Variants in KANK2 observed in about 807,000 individuals in gnomAD.
KANK2 encodes KN motif and ankyrin repeat domains 2.
Under a neutral mutation model 74.6 loss-of-function variants are expected in KANK2, and 41 were observed. That is an observed-to-expected ratio of 0.55 (90% CI 0.43 to 0.71). The LOEUF (loss-of-function observed/expected upper bound fraction) is 0.71. Ranked by LOEUF, KANK2 falls within the 30% of genes least tolerant of loss-of-function variation. The pLI, the probability that KANK2 is intolerant of heterozygous loss-of-function variation, is 0.00. For missense variants in KANK2, 1,148 were observed against 1,196.4 expected, an observed-to-expected ratio of 0.96 and a Z score of 0.60; for synonymous variants, 537 against 519.0, an observed-to-expected ratio of 1.03 and a Z score of -0.47.
Position 11,194,506 on chromosome 19 carries a change from G to T in KANK2, c.6C>A (p.Ala2=). 1 of 1,612,656 alleles carries T rather than the reference G, an allele frequency of 6.2e-7. No homozygotes were observed. ...AGGGAGCAGGCACGTGCAGGACCTG[G>T]GCCATCTTCTTTTCTACAGATGCTC... M[A]QVLHVPAPFP... The change falls in exon 3 of 13, where the codon GCC becomes GCA. Residue 2 remains alanine, a synonymous_variant. Transcript: ENST00000586659.
In KANK2 at chr19:11,193,350, C is replaced by A; in HGVS notation, c.730G>T (p.Gly244Cys). 1 of 1,612,856 alleles carries A rather than the reference C, an allele frequency of 6.2e-7. No individual in the cohort carries two copies. Among genetic ancestry groups the A allele is most frequent in the Non-Finnish European group, 8.5e-7 (1 of 1,179,976 alleles). The change falls in exon 4 of 13, where the codon GGT becomes TGT. Residue 244 changes from glycine to cysteine, a missense_variant. Coordinates refer to ENST00000586659, the MANE Select transcript of KANK2 (RefSeq NM_001136191.3). This position sits in a 1 kb window ranked among gnomAD's most constrained non-coding sequence, Gnocchi z 9.6. ...AGGTCCAGGCAGAGCTCGCTGCGAC[C>A]CCGGCCCGCTGTGGGGTGGCCCAGG... ...KFLGHPTAGR[G>C]RSELCLDLPD...
rs1175639326 is a variant in KANK2, at chr19:11,174,463, C to T, written c.2068+10G>A. On this transcript the variant is annotated intron_variant, in intron 9 of 12. Coordinates refer to ENST00000586659, the MANE Select transcript of KANK2 (RefSeq NM_001136191.3). ...GTTTAGAGCCGCCTCGTCCTCCCCG[C>T]TGGGCTCACCGCTGTCGAGCAGCTG... 1 of 1,597,272 alleles carries T rather than the reference C, an allele frequency of 6.3e-7. No individual in the cohort carries two copies. The highest frequency in any genetic ancestry group is 1.7e-5 in the Admixed American group (1 of 57,434).
intron 4 of KANK2, among the ~76,000 whole-genome samples, chr19:11,184,374 T>TCAAAAA (rs59342063): frequency 0.27 from 40,331 of 148,230 alleles, 7,348 homozygotes; most frequent in South Asian, 0.44. Context: ...AAACTCTGTC[T>TCAAAAA]CAAAAACAAA....
rs1444158488 is a variant in KANK2, at chr19:11,178,434, T to G, written c.1431A>C (p.Ala477=). Residue 477 remains alanine (A), a synonymous_variant, in exon 6 of 13, where the codon GCA becomes GCC. Transcript: ENST00000586659. The part of the protein sequence containing the change: ...EEAGGTGGPP[A]GVRSIMKRKE... The stretch of plus-strand genomic sequence containing the variant: ...TCCGTTTCATGATAGATCGCACGCC[T>G]GCCGGGGGCCCGCCTGGAGGGGAGG... 1.3e-6 allele frequency: 2 copies of G among 1,596,558 alleles called. No homozygotes were observed. The highest frequency in any genetic ancestry group is 1.4e-5 in the African/African-American group (1 of 73,566).
intron 1 of KANK2, chr19:11,197,173 G>C (rs146434115): frequency 2.6e-4 from 39 of 152,872 alleles, no homozygotes; most frequent in African/African-American, 9.4e-4. Context: ...ACAGAGACAG[G>C]GGAGAGCGGG....
intron 6 of KANK2, among the ~76,000 whole-genome samples, chr19:11,177,276 C>T (rs1259767859): frequency 2.6e-5 from 4 of 151,802 alleles, no homozygotes; most frequent in African/African-American, 4.8e-5. Flanking sequence ...TTAGTAGAGT[C>T]GGGGTTTCGC....
intron 10 of KANK2, among the ~76,000 whole-genome samples, chr19:11,171,988 T>C (rs1167838370): frequency 6.7e-6 from 1 of 149,052 alleles, no homozygotes; most frequent in Non-Finnish European, 1.5e-5. Context: ...TTTTTTTTTT[T>C]TTTTTGAGAC....
rs752500310 is a variant in KANK2, at chr19:11,170,096, C to T, written c.2364G>A (p.Ala788=). 17 of 1,613,526 alleles carry T rather than the reference C, an allele frequency of 1.1e-5. No individual in the cohort carries two copies. In the Admixed American group the frequency reaches 1.5e-4, roughly 14 times the overall value. Residue 788 remains alanine, a synonymous_variant, in exon 11 of 13, where the codon GCG becomes GCA. Coordinates refer to ENST00000586659, the MANE Select transcript of KANK2 (RefSeq NM_001136191.3). The surrounding 1 kb of genome is among the most constrained non-coding windows in gnomAD (Gnocchi z 5.2). ...AGCTGGGCACGGCCAGCAGCAGCCC[C>T]GCGATCTCCTTGTGGCCGTGCTCAC... ...CACEHGHKEI[A]GLLLAVPSCD...
Position 11,173,105 on chromosome 19 carries a change from T to G in KANK2, c.2087A>C (p.Lys696Thr). 6.2e-6 allele frequency: 10 copies of G among 1,613,688 alleles called. 1 individual carries two copies. The South Asian group carries it at 1.1e-4, about 18-fold the overall frequency. The stretch of plus-strand genomic sequence containing the variant: ...AGGGCTGTAGCCAGCACGGTTCTGT[T>G]TGTCCACCTTGCAGACACCTAAGAG... The part of the protein sequence containing the change: ...LLDSGVCKVD[K>T]QNRAGYSPIM... The change falls in exon 10 of 13, where the codon AAA (lysine) becomes ACA (threonine). Residue 696 changes from lysine (K) to threonine (T), a missense_variant. Coordinates refer to ENST00000586659, the MANE Select transcript of KANK2 (RefSeq NM_001136191.3).
rs1047070240 is a variant in KANK2 at position 11,193,858 on chromosome 19, G to C, written c.222C>G (p.Pro74=). 1.2e-5 allele frequency: 20 copies of C among 1,612,780 alleles called. No homozygotes were observed. The Admixed American group carries it at 1.5e-4, about 12-fold the overall frequency. ...ACGTCCACCAGGAGCCAGGGCCACG[G>C]GGCAGCGAGCTCAGGCGGGGGCGGC... is the stretch of plus-strand genomic sequence containing the variant. ...VQRRPRLSSL[P]RGPGSWWTST... is the part of the protein sequence containing the mutation. Residue 74 remains proline (P), a synonymous_variant, in exon 4 of 13, where the codon CCC becomes CCG. Coordinates refer to ENST00000586659, the MANE Select transcript of KANK2 (RefSeq NM_001136191.3). The surrounding 1 kb of genome is among the most constrained non-coding windows in gnomAD (Gnocchi z 9.6).
rs370098562 is a variant in KANK2 at position 11,193,103 on chromosome 19, C to T, written c.977G>A (p.Arg326His). The change falls in exon 4 of 13, where the codon CGC becomes CAC. Residue 326 changes from arginine (R) to histidine (H), a missense_variant. Physicochemically the swap from Arg to His is conservative, Grantham distance 29. Coordinates refer to ENST00000586659, the MANE Select transcript of KANK2 (RefSeq NM_001136191.3). This position sits in a 1 kb window ranked among gnomAD's most constrained non-coding sequence, Gnocchi z 9.6. ...TTCTACCACCCGGACTGTATCCACG[C>T]GGACCGGGCTGTCCGGCGGTGGCCA... Reference protein sequence around the residue: ...QAWPPPDSPVRVDTVRVVEGP... With the variant: ...QAWPPPDSPVHVDTVRVVEGP... 8.5e-5 allele frequency: 137 copies of T among 1,606,002 alleles called. No individual in the cohort carries two copies. Among genetic ancestry groups the T allele is most frequent in the Non-Finnish European group, 1.0e-4 (118 of 1,175,950 alleles).
chr19:11,183,597 T>C (rs2078590706), intron 4 of KANK2, among the ~76,000 whole-genome samples: 1 of 151,902 alleles, frequency 6.6e-6, no homozygotes, highest in South Asian at 2.1e-4. Context: ...CAAGTGATCC[T>C]CCCACTTCAG....
At chr19:11,194,640 GGGA>G (rs1235022987) in intron 2 of KANK2, 50 bp from the exon 3 acceptor site, 1 of 726,360 alleles carries the variant, frequency 1.4e-6, no homozygotes, top group Non-Finnish European at 2.4e-6. Flanking sequence ...GTAGGGGGAG[GGGA>G]GGAGATGAGG....
chr19:11,171,056 G>A (rs1367536210), intron 10 of KANK2, among the ~76,000 whole-genome samples: 4 of 152,044 alleles, frequency 2.6e-5, no homozygotes, highest in Non-Finnish European at 5.9e-5. Context: ...TCTTCACCTC[G>A]TGATCCGCCC....
chr19:11,165,459 CCT>C lies in KANK2; in HGVS notation c.*1097_*1098del, dbSNP rs746486819. The stretch of plus-strand genomic sequence containing the variant: ...CTGGCGGCGGGGACGCAGAAGCCAC[CCT>C]GAGAGCCAGATTCTTTTCCTGCGTC... On this transcript the variant is annotated 3_prime_UTR_variant, in exon 13 of 13. Coordinates refer to ENST00000586659, the MANE Select transcript of KANK2 (RefSeq NM_001136191.3). 2.0e-5 allele frequency: 3 copies of C among 152,278 alleles called. No homozygotes were observed. The highest frequency in any genetic ancestry group is 2.9e-5 in the Non-Finnish European group (2 of 68,038). The allele number at this position is 152,278 out of a possible 1,614,324, so 9.4% of individuals were successfully genotyped here. A position where few individuals can be genotyped will look rare whatever the true frequency, so the allele number is the denominator to read the frequency against.
At chr19:11,190,817 G>A (rs201673715) in intron 4 of KANK2, among the ~76,000 whole-genome samples, 6 of 151,998 alleles carry the variant, frequency 3.9e-5, no homozygotes, top group African/African-American at 1.2e-4. Flanking sequence ...TGCAACCTCC[G>A]GCTCCCAAGT....
chr19:11,193,039 A>G lies in KANK2; in HGVS notation c.1041T>C (p.Ala347=). Residue 347 remains alanine, a synonymous_variant, in exon 4 of 13, where the codon GCT becomes GCC. Coordinates refer to ENST00000586659, the MANE Select transcript of KANK2 (RefSeq NM_001136191.3). This position sits in a 1 kb window ranked among gnomAD's most constrained non-coding sequence, Gnocchi z 9.6. ...TCTGGGCCCGCTGTGCGGGGGCGCC[A>G]GCGGCTGTGCTGGCCACCACCTCCA... ...REVEVVASTA[A]GAPAQRAQSL... 1 of 1,611,618 alleles carries G rather than the reference A, an allele frequency of 6.2e-7. No individual in the cohort carries two copies. The highest frequency in any genetic ancestry group is 8.5e-7 in the Non-Finnish European group (1 of 1,179,102).
intron 10 of KANK2, among the ~76,000 whole-genome samples, chr19:11,171,756 G>T (rs538368072): frequency 2.0e-5 from 3 of 151,354 alleles, no homozygotes; most frequent in Non-Finnish European, 2.9e-5. Context: ...TCGGCTCACT[G>T]CAACCTCCGC....
chr19:11,176,719 C>G lies in KANK2; in HGVS notation c.1619G>C (p.Ser540Thr), dbSNP rs766931068. 1.2e-6 allele frequency: 2 copies of G among 1,611,518 alleles called. No individual in the cohort carries two copies. Among genetic ancestry groups the G allele is most frequent in the Admixed American group, 3.4e-5 (2 of 59,480 alleles). ...EAPEPRERVPSVAEAPQLRPA... is the reference protein window; with the variant it reads ...EAPEPRERVPTVAEAPQLRPA... Reference sequence around the variant, plus strand: ...CCTGAGCTGGGGGGCTTCGGCCACACTCGGAACCCTCTCCCTCGGCTCTGG... The same window carrying G: ...CCTGAGCTGGGGGGCTTCGGCCACAGTCGGAACCCTCTCCCTCGGCTCTGG... The change falls in exon 7 of 13, where the codon AGT (serine) becomes ACT (threonine). Residue 540 changes from serine (S) to threonine (T), a missense_variant. Physicochemically the swap from Ser to Thr is moderately conservative, Grantham distance 58. Transcript: ENST00000586659.
Sources: allele counts gnomAD v4.1 joint callset (sites outside exome capture counted in the v4.1 genomes callset), GRCh38; gene constraint gnomAD v4.1.1; non-coding constraint Gnocchi (gnomAD v3.1); transcripts MANE v1.5; gene names NCBI Gene and HGNC (gene_info 2026-07-23, HGNC 2026-07-21).